Variants in MACROD2 observed in about 807,000 individuals in gnomAD.
MACROD2 encodes the protein mono-ADP ribosylhydrolase 2.
Under a neutral mutation model 70.4 loss-of-function variants are expected in MACROD2, and 36 were observed. The ratio of observed to expected loss-of-function variants is 0.51; its 90% confidence interval spans 0.39 to 0.68. The LOEUF (loss-of-function observed/expected upper bound fraction) is 0.68, where lower values mean the gene tolerates loss of function less well. Among genes scored for constraint, MACROD2 ranks in the 30% least tolerant of loss-of-function variants. The pLI is 0.00. For synonymous variants in MACROD2, 172 were observed against 178.8 expected (o/e 0.96, Z 0.30); for missense variants, 496 against 538.4 (o/e 0.92, Z 0.78).
At chr20:14,411,124 G>A (rs1853115423) in intron 3 of MACROD2, among the ~76,000 whole-genome samples, 2 of 152,114 alleles carry the variant, frequency 1.3e-5, no homozygotes, top group Admixed American at 6.6e-5. Flanking sequence ...TTCCCTGGGG[G>A]AATTGCCAGG....
intron 6 of MACROD2, among the ~76,000 whole-genome samples, chr20:15,418,868 G>T (rs528105077): frequency 1.3e-5 from 2 of 152,234 alleles, no homozygotes; most frequent in East Asian, 3.9e-4. Context: ...GCTTTATAAA[G>T]ATTTACCTGC....
chr20:14,799,773 T>C (rs1046768417), intron 5 of MACROD2, among the ~76,000 whole-genome samples: 1 of 152,008 alleles, frequency 6.6e-6, no homozygotes, highest in Non-Finnish European at 1.5e-5. Flanking sequence ...CCTTACTTGC[T>C]GGGTTGGAAT....
intron 3 of MACROD2, among the ~76,000 whole-genome samples, chr20:14,389,961 C>T (rs2083509547): frequency 6.6e-6 from 1 of 152,118 alleles, no homozygotes; most frequent in South Asian, 2.1e-4. Context: ...GTAAACTATC[C>T]CTGTTTGCAG....
chr20:14,826,901 C>A (rs1245443767), intron 5 of MACROD2, among the ~76,000 whole-genome samples: 1 of 152,072 alleles, frequency 6.6e-6, no homozygotes, highest in African/African-American at 2.4e-5. Context: ...AATGCGGCAT[C>A]ATGCTAATGG....
At chr20:15,270,417 T>C (rs1008078357) in intron 6 of MACROD2, among the ~76,000 whole-genome samples, 1 of 152,090 alleles carries the variant, frequency 6.6e-6, no homozygotes, top group Non-Finnish European at 1.5e-5. Flanking sequence ...GACAGAAATA[T>C]AATAATGGAG....
intron 10 of MACROD2, among the ~76,000 whole-genome samples, chr20:15,922,504 C>G (rs1382998292): frequency 2.6e-5 from 4 of 152,214 alleles, no homozygotes; most frequent in African/African-American, 9.7e-5. Flanking sequence ...GCCTCGTAGT[C>G]CGTGGAGTGC....
At position 15,798,508 on chromosome 20, in the gene MACROD2, G is replaced by A. The variant is rs564895359; in HGVS notation, c.646-64237G>A. Among the ~76,000 whole-genome samples the A allele has an allele frequency of 6.8e-4, 103 of 152,184 alleles. 1 individual carries two copies. Among genetic ancestry groups the A allele is most frequent in the Non-Finnish European group, 2.1e-4 (14 of 68,028 alleles). On this transcript the variant is annotated intron_variant, in intron 8 of 17. Coordinates refer to ENST00000684519, the MANE Select transcript of MACROD2 (RefSeq NM_001351661.2). ...GGTCTTCATGGACCTGCCCTGGAAA[G>A]TCACGAGCATCACTTGCATCTCATT... is the stretch of plus-strand genomic sequence containing the variant.
At chr20:15,111,398 T>C (rs1314983304) in intron 5 of MACROD2, among the ~76,000 whole-genome samples, 1 of 152,038 alleles carries the variant, frequency 6.6e-6, no homozygotes, top group African/African-American at 2.4e-5. Context: ...TCTTGATCTC[T>C]TGACCTCATG....
At chr20:14,617,270 A>G (rs1442427670) in intron 4 of MACROD2, among the ~76,000 whole-genome samples, 1 of 152,060 alleles carries the variant, frequency 6.6e-6, no homozygotes, top group Non-Finnish European at 1.5e-5. Context: ...GTTTCATCCT[A>G]AGTCATTAGT....
rs1371131199 is a variant in MACROD2, at chr20:16,050,831, CCACAGA to C, written c.*956_*961del. The C allele has an allele frequency of 6.6e-6, 1 of 152,232 alleles. No individual in the cohort carries two copies. The highest frequency in any genetic ancestry group is 1.9e-4 in the East Asian group (1 of 5,202). 9.4% of individuals were successfully genotyped at this position (152,232 alleles called of 1,614,324 possible). A position where few individuals can be genotyped will look rare whatever the true frequency, so the allele number is the denominator to read the frequency against. ...CTGTCTTCACCCAAGGCTTGACAGCCCACAGAGTGGTCTCATTTGAAATTACAGGAA... is the reference window on the plus strand; with the variant it reads ...CTGTCTTCACCCAAGGCTTGACAGCCGTGGTCTCATTTGAAATTACAGGAA... On this transcript the variant is annotated 3_prime_UTR_variant, in exon 18 of 18. Coordinates refer to ENST00000684519, the MANE Select transcript of MACROD2 (RefSeq NM_001351661.2).
chr20:15,369,131 G>A (rs143747133), intron 6 of MACROD2, among the ~76,000 whole-genome samples: 1 of 152,002 alleles, frequency 6.6e-6, no homozygotes, highest in East Asian at 1.9e-4. Context: ...TAAAAATTAA[G>A]TATTAATATT....
At chr20:15,013,427 G>A (rs1170036039) in intron 5 of MACROD2, among the ~76,000 whole-genome samples, 2 of 152,136 alleles carry the variant, frequency 1.3e-5, no homozygotes, top group African/African-American at 4.8e-5. Flanking sequence ...AGGAATAAAG[G>A]ACTTGTTCCC....
chr20:15,793,332 C>T (rs1251392491), intron 8 of MACROD2, among the ~76,000 whole-genome samples: 1 of 152,164 alleles, frequency 6.6e-6, no homozygotes, highest in East Asian at 1.9e-4. Flanking sequence ...GTATTTCTAA[C>T]AGTTTCCCAG....
chr20:14,168,293 TCA>T (rs111923519), intron 3 of MACROD2, among the ~76,000 whole-genome samples: 19 of 152,354 alleles, frequency 1.2e-4, no homozygotes, highest in African/African-American at 4.6e-4. Context: ...GATATTATTG[TCA>T]ATTCAAAGAT....
At chr20:14,668,719 G>C (rs2070762949) in intron 4 of MACROD2, among the ~76,000 whole-genome samples, 1 of 152,026 alleles carries the variant, frequency 6.6e-6, no homozygotes, top group African/African-American at 2.4e-5. Context: ...TCGTATTTCA[G>C]TATAGATTAA....
At chr20:14,622,625 C>T (rs888934083) in intron 4 of MACROD2, among the ~76,000 whole-genome samples, 1 of 152,120 alleles carries the variant, frequency 6.6e-6, no homozygotes, top group Non-Finnish European at 1.5e-5. Flanking sequence ...GACGAAAGTA[C>T]TTAGGTCTAC....
chr20:15,407,798 G>A (rs999132849), intron 6 of MACROD2, among the ~76,000 whole-genome samples: 1 of 152,156 alleles, frequency 6.6e-6, no homozygotes, highest in Non-Finnish European at 1.5e-5. Context: ...TGCTCAATAA[G>A]GTCAGGTGTA....
At chr20:14,393,053 T>C (rs1025374780) in intron 3 of MACROD2, among the ~76,000 whole-genome samples, 1 of 152,136 alleles carries the variant, frequency 6.6e-6, no homozygotes, top group African/African-American at 2.4e-5. Context: ...TAAAATGTGT[T>C]TATCCTCCCA....
At chr20:14,982,659 C>A (rs1305987919) in intron 5 of MACROD2, among the ~76,000 whole-genome samples, 1 of 152,158 alleles carries the variant, frequency 6.6e-6, no homozygotes, top group Non-Finnish European at 1.5e-5. Context: ...TGGTGTTGAG[C>A]CTTGTGAGTG....
Sources: allele counts gnomAD v4.1 joint callset (sites outside exome capture counted in the v4.1 genomes callset), GRCh38; gene constraint gnomAD v4.1.1; transcripts MANE v1.5; gene names NCBI Gene and HGNC (gene_info 2026-07-23, HGNC 2026-07-21).